The following NUP133 variants were observed in gnomAD, a reference collection of about 807,000 sequenced individuals.
The protein encoded by NUP133 is nuclear pore complex protein Nup133.
A neutral mutation model predicts 146.2 loss-of-function variants in NUP133; 66 were observed. That is an observed-to-expected ratio of 0.45 (90% CI 0.37 to 0.55). The LOEUF is 0.55. Ranked by LOEUF, NUP133 falls within the 20% of genes least tolerant of loss-of-function variation. The probability of loss-of-function intolerance (pLI) is 0.00; values close to 1 mark genes in which losing one functional copy is unlikely to be tolerated. For missense variants in NUP133, 1,277 were observed against 1,374.8 expected (o/e 0.93, Z 1.12); for synonymous variants, 521 against 498.8 (o/e 1.04, Z -0.59).
intron 8 of NUP133, among the ~76,000 whole-genome samples, chr1:229,492,107 ATTT>A (rs200318942): frequency 7.1e-6 from 1 of 140,326 alleles, no homozygotes; most frequent in Non-Finnish European, 1.6e-5. Context: ...TACTAGCAAC[ATTT>A]TTTTTTTTTT....
intron 24 of NUP133, among the ~76,000 whole-genome samples, chr1:229,447,609 G>C (rs191112837): frequency 1.3e-5 from 2 of 152,180 alleles, no homozygotes; most frequent in Admixed American, 1.3e-4. Flanking sequence ...GGAGGGAAGA[G>C]GGGCTGAAGG....
At chr1:229,446,574 A>G (rs1422033803) in intron 24 of NUP133, among the ~76,000 whole-genome samples, 1 of 151,198 alleles carries the variant, frequency 6.6e-6, no homozygotes, top group Non-Finnish European at 1.5e-5. Flanking sequence ...CTAAAAATAC[A>G]TTAAAAAAAA....
intron 25 of NUP133, among the ~76,000 whole-genome samples, 195 bp from the exon 26 acceptor site, chr1:229,442,235 G>A (rs993724941): frequency 2.0e-5 from 3 of 152,072 alleles, no homozygotes; most frequent in African/African-American, 7.2e-5. Context: ...CCTTTACAGG[G>A]GCTGCCTGAG....
At chr1:229,497,248 T>A (rs1018406588) in intron 6 of NUP133, among the ~76,000 whole-genome samples, 1 of 152,068 alleles carries the variant, frequency 6.6e-6, no homozygotes, top group African/African-American at 2.4e-5. Flanking sequence ...ACCTGGTAAA[T>A]AACTAGTTTG....
rs1328245188 is a variant in NUP133, at chr1:229,500,793, G to C, written c.476C>G (p.Ser159Cys). 34 of 1,613,302 alleles carry C rather than the reference G, an allele frequency of 2.1e-5. No homozygotes were observed. Among genetic ancestry groups the C allele is most frequent in the Non-Finnish European group, 2.8e-5 (33 of 1,179,514 alleles). Residue 159 changes from serine (S) to cysteine (C), a missense_variant, in exon 4 of 26, where the codon TCT (serine) becomes TGT (cysteine). Physicochemically the swap from Ser to Cys is moderately radical, Grantham distance 112 (BLOSUM62 -1). Coordinates refer to ENST00000261396, the MANE Select transcript of NUP133 (RefSeq NM_018230.3). ...FHWSADLVAL[S>C]YSSPSGEAHS... ...TGCTTCACCTGAGGGAGAAGAGTAAGAAAGAGCCACTAAGTCGGCACTCCA... is the reference window on the plus strand; with the variant it reads ...TGCTTCACCTGAGGGAGAAGAGTAACAAAGAGCCACTAAGTCGGCACTCCA...
intron 14 of NUP133, among the ~76,000 whole-genome samples, chr1:229,473,548 G>A (rs949720829): frequency 1.3e-5 from 2 of 152,044 alleles, no homozygotes; most frequent in African/African-American, 4.8e-5. Flanking sequence ...TTAGTGTGGC[G>A]AATCAGGTCA....
intron 12 of NUP133, among the ~76,000 whole-genome samples, chr1:229,482,504 A>C (rs552638100): frequency 1.3e-5 from 2 of 152,348 alleles, no homozygotes; most frequent in South Asian, 4.1e-4. Flanking sequence ...GGGGCAGAGC[A>C]GGGGGGCTGG....
Position 229,449,883 on chromosome 1 carries a change from T to TA in NUP133, c.3180+641_3180+642insT, listed in dbSNP as rs1422662414. On this transcript the variant is annotated intron_variant, in intron 23 of 25. Coordinates refer to ENST00000261396, the MANE Select transcript of NUP133 (RefSeq NM_018230.3). ...TATATATATATATATATTTTTTTTT[T>TA]TTTTTTTTTTTTTTTTGAGACAGTC... 3.2e-3 allele frequency among the ~76,000 whole-genome samples: 353 copies of TA among 108,722 alleles called. 5 individuals are homozygous for TA. The highest frequency in any genetic ancestry group is 8.7e-3 in the Middle Eastern group (2 of 230). The allele number at this position is 108,722 out of a possible 152,430, so 71.3% of individuals were successfully genotyped here.
In NUP133 at chr1:229,508,295, G is replaced by A; in HGVS notation, c.-46C>T. 7.3e-7 allele frequency: 1 copy of A among 1,364,478 alleles called. No individual in the cohort carries two copies. Among genetic ancestry groups the A allele is most frequent in the Non-Finnish European group, 9.6e-7 (1 of 1,043,542 alleles). The allele number at this position is 1,364,478 out of a possible 1,614,324, so 84.5% of individuals were successfully genotyped here. A position where few individuals can be genotyped will look rare whatever the true frequency, so the allele number is the denominator to read the frequency against. ...AGGACAGCGAGGGATCTGGCCGTCA[G>A]GTTGCAGCCTGGCCTGCGCGCGGAA... On this transcript the variant is annotated 5_prime_UTR_variant, in exon 1 of 26. Transcript: ENST00000261396.
chr1:229,490,062 C>T lies in NUP133; in HGVS notation c.1087G>A (p.Asp363Asn). Reference protein sequence around the residue: ...VILAAAWHSADNPCLIYYSLI... With the variant: ...VILAAAWHSANNPCLIYYSLI... Reference sequence around the variant, plus strand: ...GAGTAATAGATGAGACATGGATTGTCTGCTGAGTGCCATGCTGCTGCCAAA... The same window carrying T: ...GAGTAATAGATGAGACATGGATTGTTTGCTGAGTGCCATGCTGCTGCCAAA... Residue 363 changes from aspartate to asparagine, a missense_variant, in exon 9 of 26, where the codon GAC (aspartate) becomes AAC (asparagine). Physicochemically the swap from Asp to Asn is conservative, Grantham distance 23 (BLOSUM62 1). This residue lies in a region of NUP133 where 952 missense variants were observed against 1,047.0 expected (regional missense o/e 0.91). Transcript: ENST00000261396. 1 of 1,606,582 alleles carries T rather than the reference C, an allele frequency of 6.2e-7. No individual in the cohort carries two copies.
At chr1:229,458,852 G>C (rs558153033) in intron 20 of NUP133, among the ~76,000 whole-genome samples, 1 of 151,848 alleles carries the variant, frequency 6.6e-6, no homozygotes, top group Non-Finnish European at 1.5e-5. Context: ...TGGGATTACA[G>C]GCATGAGCCA....
chr1:229,468,821 A>C (rs1029410567), intron 15 of NUP133, among the ~76,000 whole-genome samples: 2 of 152,246 alleles, frequency 1.3e-5, no homozygotes, highest in African/African-American at 4.8e-5. Flanking sequence ...TTAGATCATG[A>C]AACTTGAGGT....
At chr1:229,458,331 G>C (rs750610680) in intron 20 of NUP133, 35 bp from the exon 21 acceptor site, 1 of 1,595,706 alleles carries the variant, frequency 6.3e-7, no homozygotes, top group Non-Finnish European at 8.6e-7. Flanking sequence ...GTAAGATACT[G>C]AGTACCAATT....
intron 21 of NUP133, among the ~76,000 whole-genome samples, chr1:229,457,417 C>T (rs1660594491): frequency 6.6e-6 from 1 of 151,942 alleles, no homozygotes; most frequent in Non-Finnish European, 1.5e-5. Flanking sequence ...GTTCTAGGAC[C>T]CATAGGAATA....
intron 8 of NUP133, among the ~76,000 whole-genome samples, chr1:229,493,994 G>A (rs946795537): frequency 1.3e-5 from 2 of 152,078 alleles, no homozygotes; most frequent in Non-Finnish European, 2.9e-5. Flanking sequence ...AGCCGGGAGT[G>A]GTGGCACCCA....
chr1:229,448,242 A>G (rs1660358403), intron 24 of NUP133, among the ~76,000 whole-genome samples: 1 of 152,180 alleles, frequency 6.6e-6, no homozygotes, highest in Non-Finnish European at 1.5e-5. Context: ...CAGCCTGACA[A>G]ACATGGTGAA....
intron 5 of NUP133, among the ~76,000 whole-genome samples, chr1:229,498,950 G>C (rs1661728045): frequency 6.6e-6 from 1 of 152,214 alleles, no homozygotes; most frequent in South Asian, 2.1e-4. Context: ...CCAGGCAGAA[G>C]TGCAGTGGTG....
intron 8 of NUP133, among the ~76,000 whole-genome samples, chr1:229,493,792 G>A (rs1468312758): frequency 6.6e-6 from 1 of 152,142 alleles, no homozygotes; most frequent in Non-Finnish European, 1.5e-5. Flanking sequence ...TCCTAAGCAT[G>A]CTTCTCATTC....
chr1:229,490,205 G>A (rs1026552211), intron 8 of NUP133, 103 bp from the exon 9 acceptor site: 58 of 970,306 alleles, frequency 6.0e-5, no homozygotes, highest in Non-Finnish European at 7.9e-5. Flanking sequence ...AATCCCATTC[G>A]TGGACACCTA....
Sources: allele counts gnomAD v4.1 joint callset (sites outside exome capture counted in the v4.1 genomes callset), GRCh38; gene constraint gnomAD v4.1.1; regional missense constraint gnomAD v4.1.1; transcripts MANE v1.5; gene names NCBI Gene and HGNC (gene_info 2026-07-23, HGNC 2026-07-21).